The following TNNI3K variants were observed in gnomAD, a reference collection of about 807,000 sequenced individuals.
The protein encoded by TNNI3K is serine/threonine-protein kinase TNNI3K.
A neutral mutation model predicts 114.5 loss-of-function variants in TNNI3K; 140 were observed. The observed-to-expected ratio is 1.22, with a 90% CI of 1.07 to 1.41. The LOEUF (loss-of-function observed/expected upper bound fraction) is 1.41, where lower values mean the gene tolerates loss of function less well. Among genes scored for constraint, TNNI3K ranks in the 40% most tolerant of loss-of-function variants. TNNI3K has a pLI of 0.00. For missense variants in TNNI3K, 1,125 were observed against 1,007.6 expected (o/e 1.12, Z -1.58); for synonymous variants, 347 against 347.5 (o/e 1.00, Z 0.02).
At chr1:74,374,220 A>G (rs1418381230) in intron 17 of TNNI3K, 1 of 151,920 alleles carries the variant, frequency 6.6e-6, no homozygotes, top group African/African-American at 2.4e-5. Context: ...TTAGAGGGCC[A>G]ACTATATATA....
intron 5 of TNNI3K, 139 bp from the exon 6 acceptor site, chr1:74,331,311 T>C (rs1660190188): frequency 2.6e-6 from 2 of 760,186 alleles, no homozygotes; most frequent in African/African-American, 1.8e-5. Context: ...ACTGGAGGTC[T>C]TGGATAAGGT....
chr1:74,400,374 A>G (rs1664294981), intron 17 of TNNI3K, among the ~76,000 whole-genome samples: 4 of 152,236 alleles, frequency 2.6e-5, no homozygotes, highest in Admixed American at 1.3e-4. Context: ...GACTTTACAA[A>G]TTTAGACTGG....
intron 2 of TNNI3K, among the ~76,000 whole-genome samples, chr1:74,245,964 C>A (rs990107127): frequency 1.3e-5 from 2 of 152,158 alleles, no homozygotes; most frequent in Non-Finnish European, 1.5e-5. Context: ...GTACAATAAA[C>A]TCCAGTGTTT....
chr1:74,291,880 C>T (rs1657697813), intron 5 of TNNI3K, among the ~76,000 whole-genome samples: 1 of 151,436 alleles, frequency 6.6e-6, no homozygotes, highest in African/African-American at 2.4e-5. Context: ...TCAATTGTCT[C>T]AACACCTTTT....
At chr1:74,253,277 CA>C (rs1557451565) in intron 4 of TNNI3K, among the ~76,000 whole-genome samples, 1 of 152,186 alleles carries the variant, frequency 6.6e-6, no homozygotes, top group African/African-American at 2.4e-5. Context: ...TGGCTTCACC[CA>C]GTGGATCCCG....
intron 4 of TNNI3K, among the ~76,000 whole-genome samples, chr1:74,251,997 A>G (rs1352439484): frequency 6.6e-6 from 1 of 152,214 alleles, no homozygotes; most frequent in Non-Finnish European, 1.5e-5. Context: ...TCTGATGTTG[A>G]CTTTTCTTCT....
At chr1:74,427,547 G>A (rs1486082303) in intron 17 of TNNI3K, among the ~76,000 whole-genome samples, 2 of 152,010 alleles carry the variant, frequency 1.3e-5, no homozygotes, top group East Asian at 3.9e-4. Flanking sequence ...CTAGAGAAAT[G>A]TTAGTCCTTA....
chr1:74,509,868 C>G (rs1670096781), intron 23 of TNNI3K, among the ~76,000 whole-genome samples: 2 of 147,534 alleles, frequency 1.4e-5, no homozygotes, highest in Admixed American at 1.4e-4. Flanking sequence ...ATTTTCCCTC[C>G]TCAGCTCCCC....
chr1:74,346,820 C>T (rs983360469), intron 9 of TNNI3K, among the ~76,000 whole-genome samples: 2 of 151,698 alleles, frequency 1.3e-5, no homozygotes, highest in East Asian at 3.9e-4. Context: ...TCTCCTGCAG[C>T]CTCTTCCCTT....
At chr1:74,355,967 T>C (rs1661634485) in intron 11 of TNNI3K, among the ~76,000 whole-genome samples, 2 of 152,164 alleles carry the variant, frequency 1.3e-5, no homozygotes, top group Admixed American at 6.5e-5. Context: ...ATTTCACAGA[T>C]TGAACTCACC....
At chr1:74,436,590 A>T in intron 19 of TNNI3K, 64 bp downstream of exon 19, 1 of 1,522,442 alleles carries the variant, frequency 6.6e-7, no homozygotes. Context: ...TCAGCATGAG[A>T]GGACGTAAGA....
intron 1 of TNNI3K, 149 bp downstream of exon 1, chr1:74,235,640 C>A: frequency 4.2e-6 from 2 of 473,904 alleles, no homozygotes; most frequent in Non-Finnish European, 7.5e-6. Flanking sequence ...ACTATCTGAA[C>A]TCAAATTATT....
chr1:74,301,399 C>G (rs1658324007), intron 5 of TNNI3K, among the ~76,000 whole-genome samples: 1 of 151,086 alleles, frequency 6.6e-6, no homozygotes, highest in African/African-American at 2.4e-5. Context: ...GACTCCATCT[C>G]AAAAAAAATG....
intron 17 of TNNI3K, among the ~76,000 whole-genome samples, chr1:74,388,931 C>A (rs1326574170): frequency 1.3e-5 from 2 of 152,178 alleles, no homozygotes; most frequent in African/African-American, 4.8e-5. Context: ...TCTTGTGCAC[C>A]ATCTGTGACA....
At chr1:74,236,863 G>A (rs1557440222) in intron 2 of TNNI3K, among the ~76,000 whole-genome samples, 1 of 151,772 alleles carries the variant, frequency 6.6e-6, no homozygotes, top group Non-Finnish European at 1.5e-5. Context: ...AATTGAATCT[G>A]ACATTGAGAA....
At chr1:74,322,712 C>T (rs1341776236) in intron 5 of TNNI3K, among the ~76,000 whole-genome samples, 1 of 152,084 alleles carries the variant, frequency 6.6e-6, no homozygotes, top group Non-Finnish European at 1.5e-5. Flanking sequence ...CTGCCCACCT[C>T]GGCCTCCCAA....
chr1:74,286,368 C>G (rs1186666449), intron 5 of TNNI3K, among the ~76,000 whole-genome samples: 1 of 152,040 alleles, frequency 6.6e-6, no homozygotes. Context: ...CAGGCTCATT[C>G]TAATATCAGA....
At chr1:74,455,778 C>T (rs1429384890) in intron 20 of TNNI3K, among the ~76,000 whole-genome samples, 1 of 152,180 alleles carries the variant, frequency 6.6e-6, no homozygotes, top group Non-Finnish European at 1.5e-5. Context: ...TCTGCCTCCT[C>T]ATTCTGTTGG....
At chr1:74,237,454 A>G (rs1322301775) in intron 2 of TNNI3K, among the ~76,000 whole-genome samples, 1 of 152,042 alleles carries the variant, frequency 6.6e-6, no homozygotes, top group Non-Finnish European at 1.5e-5. Context: ...ATGAAATATG[A>G]TTACATTGAA....
Sources: allele counts gnomAD v4.1 joint callset (sites outside exome capture counted in the v4.1 genomes callset), GRCh38; gene constraint gnomAD v4.1.1; transcripts MANE v1.5; gene names NCBI Gene and HGNC (gene_info 2026-07-23, HGNC 2026-07-21).